The following MAST4 variants were observed in gnomAD, a reference collection of about 807,000 sequenced individuals.
MAST4 encodes the protein microtubule-associated serine/threonine-protein kinase 4.
A neutral mutation model predicts 162.7 loss-of-function variants in MAST4; 89 were observed. That is an observed-to-expected ratio of 0.55 (90% CI 0.46 to 0.65). MAST4 has a LOEUF of 0.65. MAST4 is among the 30% of genes least tolerant of loss of function. The pLI is 0.00. For missense variants in MAST4, 3,153 were observed against 3,374.0 expected (o/e 0.93, Z 1.62); for synonymous variants, 1,479 against 1,361.1 (o/e 1.09, Z -1.91).
rs550228270 is a variant in MAST4 at position 66,814,586 on chromosome 5, A to G, written c.642+25792A>G. On this transcript the variant is annotated intron_variant, in intron 3 of 28. Transcript: ENST00000403625. ...AGAGACAAGGTGAAATGCACTGATG[A>G]AGGTGGTAGTTTGTCCACTAGGTGG... Among the ~76,000 whole-genome samples, 13 of 152,250 alleles carry G rather than the reference A, an allele frequency of 8.5e-5. No homozygotes were observed. The South Asian group carries it at 2.5e-3, about 29-fold the overall frequency.
intron 1 of MAST4, among the ~76,000 whole-genome samples, chr5:66,738,772 G>A (rs1335867704): frequency 6.6e-6 from 1 of 152,182 alleles, no homozygotes; most frequent in Non-Finnish European, 1.5e-5. Flanking sequence ...GCTGCTGTCA[G>A]GCCTTTTGCA....
intron 1 of MAST4, among the ~76,000 whole-genome samples, chr5:66,630,875 A>C (rs1354540171): frequency 6.6e-6 from 1 of 152,210 alleles, no homozygotes; most frequent in Non-Finnish European, 1.5e-5. Context: ...GAATAACATC[A>C]CAGACACATG....
At chr5:66,755,556 A>T (rs997392634) in intron 1 of MAST4, among the ~76,000 whole-genome samples, 3 of 152,206 alleles carry the variant, frequency 2.0e-5, no homozygotes, top group African/African-American at 7.2e-5. Context: ...TTATTTGCAG[A>T]TGGTCGTGAT....
chr5:66,917,046 A>C, intron 4 of MAST4: 1 of 717,860 alleles, frequency 1.4e-6, no homozygotes, highest in Non-Finnish European at 2.6e-6. Flanking sequence ...TTTAATAGCT[A>C]TCACTTTACC....
intron 1 of MAST4, among the ~76,000 whole-genome samples, chr5:66,625,429 G>A (rs557761421): frequency 6.6e-6 from 1 of 152,260 alleles, no homozygotes; most frequent in Admixed American, 6.5e-5. Flanking sequence ...AAAAATATTA[G>A]CAAACTGTGT....
intron 1 of MAST4, among the ~76,000 whole-genome samples, chr5:66,700,965 G>GA (rs11399522): frequency 0.74 from 111,978 of 151,678 alleles, 42,013 homozygotes; most frequent in East Asian, 0.88. Flanking sequence ...ATTTAAGACT[G>GA]TTTGCAAATA....
intron 3 of MAST4, among the ~76,000 whole-genome samples, chr5:66,803,180 T>C (rs935337223): frequency 6.6e-6 from 1 of 152,190 alleles, no homozygotes; most frequent in African/African-American, 2.4e-5. Flanking sequence ...AGAGCAGATT[T>C]CTAAGTATTG....
intron 1 of MAST4, among the ~76,000 whole-genome samples, chr5:66,667,921 C>G (rs1747365270): frequency 6.6e-6 from 1 of 152,090 alleles, no homozygotes; most frequent in Admixed American, 6.6e-5. Context: ...CAATAGTGAG[C>G]CTAGCTTTTA....
At chr5:67,019,616 G>A (rs1753728138) in intron 4 of MAST4, among the ~76,000 whole-genome samples, 1 of 152,182 alleles carries the variant, frequency 6.6e-6, no homozygotes. Context: ...GTCTTTTGGG[G>A]AAAACCATTA....
intron 1 of MAST4, among the ~76,000 whole-genome samples, chr5:66,722,453 G>GTTTT (rs56786188): frequency 1.4e-4 from 20 of 141,904 alleles, no homozygotes; most frequent in African/African-American, 4.1e-4. Context: ...CTGGTTCTGG[G>GTTTT]TTTTTTTTTT....
chr5:66,882,192 C>A (rs154488), intron 3 of MAST4, among the ~76,000 whole-genome samples: 129,604 of 152,024 alleles, frequency 0.85, 55,708 homozygotes, highest in Non-Finnish European at 0.91. Flanking sequence ...AAGAGATTTG[C>A]CTCTGATGCG....
At chr5:67,083,954 G>A (rs1762951429) in intron 5 of MAST4, among the ~76,000 whole-genome samples, 2 of 152,150 alleles carry the variant, frequency 1.3e-5, no homozygotes, top group Admixed American at 1.3e-4. Context: ...ACCTTGAGAT[G>A]TGACATCAAT....
chr5:66,666,090 C>G (rs1305038054), intron 1 of MAST4, among the ~76,000 whole-genome samples: 1 of 152,154 alleles, frequency 6.6e-6, no homozygotes, highest in Non-Finnish European at 1.5e-5. Context: ...AATTTGCAAC[C>G]AGGGTTGCAG....
chr5:66,804,200 T>A (rs1237932512), intron 3 of MAST4, among the ~76,000 whole-genome samples: 2 of 152,234 alleles, frequency 1.3e-5, no homozygotes, highest in African/African-American at 2.4e-5. Flanking sequence ...ATTATCTTTG[T>A]CTAGTTTTAA....
intron 4 of MAST4, among the ~76,000 whole-genome samples, chr5:67,044,130 G>A (rs1446932963): frequency 6.6e-6 from 1 of 152,162 alleles, no homozygotes; most frequent in Non-Finnish European, 1.5e-5. Flanking sequence ...CCAAGTTACA[G>A]CACATGCCCT....
At chr5:67,098,432 A>G (rs1003986045) in intron 7 of MAST4, among the ~76,000 whole-genome samples, 5 of 152,198 alleles carry the variant, frequency 3.3e-5, no homozygotes, top group African/African-American at 7.2e-5. Context: ...ACAGAATTGT[A>G]TCAGTAGGAA....
intron 1 of MAST4, among the ~76,000 whole-genome samples, chr5:66,612,121 G>A (rs1743327956): frequency 6.6e-6 from 1 of 152,172 alleles, no homozygotes; most frequent in African/African-American, 2.4e-5. Flanking sequence ...TTCACAGGCT[G>A]GAGCTATATC....
At chr5:66,873,821 T>C (rs1761107801) in intron 3 of MAST4, among the ~76,000 whole-genome samples, 1 of 152,142 alleles carries the variant, frequency 6.6e-6, no homozygotes, top group Non-Finnish European at 1.5e-5. Context: ...ATCCTAAAAA[T>C]CTCTCTACAC....
In MAST4 at chr5:66,652,095, G is replaced by C. The variant is rs564014428; in HGVS notation, c.363+55077G>C. On this transcript the variant is annotated intron_variant, in intron 1 of 28. Coordinates refer to ENST00000403625, the MANE Select transcript of MAST4 (RefSeq NM_001164664.2). ...GTGATTATTGGGGGCCATTTTAGTT[G>C]TTGCCTACCATAATTACATTGTTGT... is the stretch of plus-strand genomic sequence containing the variant. 3.3e-5 allele frequency among the ~76,000 whole-genome samples: 5 copies of C among 152,274 alleles called. No individual in the cohort carries two copies. The East Asian group carries it at 9.6e-4, about 29-fold the overall frequency.
Sources: allele counts gnomAD v4.1 joint callset (sites outside exome capture counted in the v4.1 genomes callset), GRCh38; gene constraint gnomAD v4.1.1; transcripts MANE v1.5; gene names NCBI Gene and HGNC (gene_info 2026-07-23, HGNC 2026-07-21).